Variants in SLC9A9 observed in about 807,000 individuals in gnomAD.
SLC9A9 encodes sodium/hydrogen exchanger 9.
SLC9A9 carries 62 observed loss-of-function variants against 77.8 expected under a neutral mutation model. The ratio of observed to expected loss-of-function variants is 0.80; its 90% CI spans 0.65 to 0.98. The LOEUF (loss-of-function observed/expected upper bound fraction) is 0.98. Ranked by LOEUF, SLC9A9 falls within the 50% of genes least tolerant of loss-of-function variation. SLC9A9 has a pLI of 0.00. For missense variants in SLC9A9, 775 were observed against 774.9 expected (o/e 1.00, Z 0.00); for synonymous variants, 320 against 283.5 (o/e 1.13, Z -1.29).
chr3:143,472,971 C>A (rs887112997), intron 11 of SLC9A9, among the ~76,000 whole-genome samples: 1 of 151,810 alleles, frequency 6.6e-6, no homozygotes, highest in African/African-American at 2.4e-5. Flanking sequence ...TTTCTGTTAC[C>A]TCATCTCCAA....
rs73867657 is a variant in SLC9A9 at position 143,465,922 on chromosome 3, T to A, written c.1469+1115A>T. On this transcript the variant is annotated intron_variant, in intron 12 of 15. Transcript: ENST00000316549. The stretch of plus-strand genomic sequence containing the variant: ...ATTCTCAGTACTTCAGGAAGTCCTT[T>A]TTTTCCTTGAATTTGGTTTAATGCA... Among the ~76,000 whole-genome samples the A allele has an allele frequency of 8.9e-3, 1,361 of 152,360 alleles. 26 individuals carry two copies. Among genetic ancestry groups the A allele is most frequent in the African/African-American group, 0.031 (1,295 of 41,580 alleles).
chr3:143,689,669 C>A (rs1250171596), intron 5 of SLC9A9, among the ~76,000 whole-genome samples: 6 of 125,098 alleles, frequency 4.8e-5, no homozygotes, highest in African/African-American at 1.7e-4. Context: ...CTTGGCCTCA[C>A]ATAGGGTTGG....
intron 9 of SLC9A9, among the ~76,000 whole-genome samples, chr3:143,504,730 T>A (rs2035982961): frequency 6.6e-6 from 1 of 152,210 alleles, no homozygotes; most frequent in Non-Finnish European, 1.5e-5. Flanking sequence ...TAACAATTTT[T>A]AAAAACCTTT....
At chr3:143,766,085 G>A (rs539648886) in intron 4 of SLC9A9, among the ~76,000 whole-genome samples, 8 of 152,244 alleles carry the variant, frequency 5.3e-5, no homozygotes, top group South Asian at 2.1e-4. Context: ...CCTGACCTGC[G>A]GACTCTTGAG....
intron 4 of SLC9A9, among the ~76,000 whole-genome samples, chr3:143,768,864 A>G (rs912101454): frequency 6.6e-6 from 1 of 152,208 alleles, no homozygotes; most frequent in Non-Finnish European, 1.5e-5. Flanking sequence ...TTTGTATTTT[A>G]TCACTTTGAC....
At chr3:143,296,829 T>C (rs2030291873) in intron 14 of SLC9A9, among the ~76,000 whole-genome samples, 1 of 152,218 alleles carries the variant, frequency 6.6e-6, no homozygotes, top group South Asian at 2.1e-4. Flanking sequence ...CATCTGTACG[T>C]CTTCTTCAGA....
At chr3:143,324,750 A>G (rs377363116) in intron 14 of SLC9A9, among the ~76,000 whole-genome samples, 16 of 152,188 alleles carry the variant, frequency 1.1e-4, no homozygotes, top group African/African-American at 3.6e-4. Flanking sequence ...TGAGCCCAGG[A>G]AGACAAGGTT....
chr3:143,555,602 C>T (rs2036966155), intron 8 of SLC9A9, among the ~76,000 whole-genome samples: 1 of 152,160 alleles, frequency 6.6e-6, no homozygotes, highest in Non-Finnish European at 1.5e-5. Flanking sequence ...TGCTTTTCTG[C>T]CTATATTAGA....
At chr3:143,291,638 G>T (rs983167144) in intron 14 of SLC9A9, among the ~76,000 whole-genome samples, 1 of 152,214 alleles carries the variant, frequency 6.6e-6, no homozygotes, top group Admixed American at 6.5e-5. Context: ...CCTAGTAATG[G>T]AGGGGAAAAA....
At chr3:143,655,513 T>C (rs1465692533) in intron 5 of SLC9A9, 2 of 985,338 alleles carry the variant, frequency 2.0e-6, no homozygotes, top group African/African-American at 3.5e-5. Flanking sequence ...ACTCATCTTT[T>C]AGTGGCAGAT....
chr3:143,401,596 A>T (rs932900050), intron 12 of SLC9A9, among the ~76,000 whole-genome samples: 1 of 152,142 alleles, frequency 6.6e-6, no homozygotes, highest in Non-Finnish European at 1.5e-5. Context: ...TCTTAAACAT[A>T]GCTTTGTTTC....
intron 6 of SLC9A9, among the ~76,000 whole-genome samples, chr3:143,584,834 T>C (rs866804841): frequency 6.6e-6 from 1 of 152,168 alleles, no homozygotes; most frequent in Non-Finnish European, 1.5e-5. Context: ...AACCTAAATC[T>C]TCAAAGGTGG....
intron 2 of SLC9A9, among the ~76,000 whole-genome samples, chr3:143,821,986 T>C (rs1404666641): frequency 6.6e-6 from 1 of 152,218 alleles, no homozygotes; most frequent in Non-Finnish European, 1.5e-5. Flanking sequence ...CAGCAAGCGC[T>C]GTCAGTCCCT....
chr3:143,342,632 A>C (rs748126572), intron 14 of SLC9A9, among the ~76,000 whole-genome samples: 1 of 152,226 alleles, frequency 6.6e-6, no homozygotes, highest in Admixed American at 6.5e-5. Flanking sequence ...TCCAATAGCC[A>C]GATTTGTCAA....
intron 4 of SLC9A9, among the ~76,000 whole-genome samples, chr3:143,766,655 T>C (rs1450958294): frequency 6.6e-6 from 1 of 151,850 alleles, no homozygotes; most frequent in African/African-American, 2.4e-5. Context: ...CTGCAACCTC[T>C]GTCTCCCAGG....
At chr3:143,594,464 G>A (rs2037717774) in intron 6 of SLC9A9, among the ~76,000 whole-genome samples, 2 of 152,128 alleles carry the variant, frequency 1.3e-5, no homozygotes. Flanking sequence ...CATATCACTA[G>A]AGGAAATTGA....
chr3:143,529,101 A>G (rs1171608177), intron 9 of SLC9A9, among the ~76,000 whole-genome samples: 1 of 152,190 alleles, frequency 6.6e-6, no homozygotes, highest in Non-Finnish European at 1.5e-5. Flanking sequence ...TGTGCCAACA[A>G]CAGCGGGGTG....
chr3:143,478,727 C>A (rs1024286511), intron 11 of SLC9A9, among the ~76,000 whole-genome samples: 1 of 152,172 alleles, frequency 6.6e-6, no homozygotes, highest in Non-Finnish European at 1.5e-5. Flanking sequence ...AACCTGAGGG[C>A]AGAATTAGAG....
At chr3:143,626,157 T>C (rs941416922) in intron 6 of SLC9A9, among the ~76,000 whole-genome samples, 2 of 152,082 alleles carry the variant, frequency 1.3e-5, no homozygotes, top group African/African-American at 4.8e-5. Context: ...AACACTTTTA[T>C]GCTGTTGGTG....
Sources: allele counts gnomAD v4.1 joint callset (sites outside exome capture counted in the v4.1 genomes callset), GRCh38; gene constraint gnomAD v4.1.1; transcripts MANE v1.5; gene names NCBI Gene and HGNC (gene_info 2026-07-23, HGNC 2026-07-21).